Variants in PTPRT observed in about 807,000 individuals in gnomAD.
PTPRT encodes the protein protein tyrosine phosphatase receptor type T, also known as receptor-type tyrosine-protein phosphatase T.
PTPRT carries 56 observed loss-of-function variants against 176.8 expected under a neutral mutation model. That is an observed-to-expected ratio of 0.32 (90% CI 0.26 to 0.40). PTPRT has a LOEUF of 0.40. PTPRT is among the 10% of genes least tolerant of loss of function. The pLI, the probability that PTPRT is intolerant of heterozygous loss-of-function variation, is 1.00. For synonymous variants in PTPRT, 783 were observed against 739.0 expected, an observed-to-expected ratio of 1.06 and a Z score of -0.96; for missense variants, 1,540 against 1,908.2, an observed-to-expected ratio of 0.81 and a Z score of 3.60.
chr20:42,178,357 G>A (rs74369452), intron 16 of PTPRT, among the ~76,000 whole-genome samples: 2,326 of 152,288 alleles, frequency 0.015, 67 homozygotes, highest in African/African-American at 0.054. Flanking sequence ...CTGAATAGTT[G>A]CCCTTATGGG....
chr20:42,296,422 G>T (rs2057387599), intron 12 of PTPRT, among the ~76,000 whole-genome samples: 1 of 149,944 alleles, frequency 6.7e-6, no homozygotes, highest in Admixed American at 6.7e-5. Flanking sequence ...CTCCAGCCTG[G>T]GTAACACAGC....
At chr20:42,978,140 G>A (rs1056526157) in intron 1 of PTPRT, among the ~76,000 whole-genome samples, 13 of 152,070 alleles carry the variant, frequency 8.5e-5, no homozygotes, top group African/African-American at 2.2e-4. Context: ...TACATACTAC[G>A]TTTTGTCCTG....
chr20:42,203,928 A>G (rs1318525055), intron 15 of PTPRT, among the ~76,000 whole-genome samples: 1 of 152,194 alleles, frequency 6.6e-6, no homozygotes, highest in Non-Finnish European at 1.5e-5. Flanking sequence ...TACGACAAGA[A>G]CTTCTTGGGA....
intron 1 of PTPRT, among the ~76,000 whole-genome samples, chr20:43,071,952 C>T (rs531965117): frequency 6.6e-6 from 1 of 152,344 alleles, no homozygotes; most frequent in South Asian, 2.1e-4. Flanking sequence ...TTGGTTTGCA[C>T]CCAGCCTATC....
chr20:43,189,840 C>A lies in PTPRT; in HGVS notation c.-107G>T. On this transcript the variant is annotated 5_prime_UTR_variant, in exon 1 of 31. Transcript: ENST00000373187. This position sits in a 1 kb window ranked among gnomAD's most constrained non-coding sequence, Gnocchi z 5.0. ...CCGGCGCGGCCGCTGGCTGTGCGCG[C>A]GGCTGGCTCCGCTCGGGCTCCCGGA... is the stretch of plus-strand genomic sequence containing the variant. The A allele has an allele frequency of 2.2e-6, 1 of 455,374 alleles. No homozygotes were observed. Among genetic ancestry groups the A allele is most frequent in the Non-Finnish European group, 2.9e-6 (1 of 348,630 alleles). The allele number at this position is 455,374 out of a possible 1,614,324, so 28.2% of individuals were successfully genotyped here. A position where few individuals can be genotyped will look rare whatever the true frequency, so the allele number is the denominator to read the frequency against.
At chr20:42,338,370 A>G (rs1461739705) in intron 11 of PTPRT, among the ~76,000 whole-genome samples, 3 of 152,216 alleles carry the variant, frequency 2.0e-5, no homozygotes, top group Admixed American at 6.5e-5. Flanking sequence ...GGAGAGGCCA[A>G]TGAGAGAACT....
At chr20:42,872,854 C>G (rs1312375546) in intron 2 of PTPRT, among the ~76,000 whole-genome samples, 1 of 152,122 alleles carries the variant, frequency 6.6e-6, no homozygotes, top group Non-Finnish European at 1.5e-5. Context: ...AAAGGCAGCT[C>G]AAAGTCTGAG....
chr20:43,064,635 A>C (rs1200377760), intron 1 of PTPRT, among the ~76,000 whole-genome samples: 1 of 152,206 alleles, frequency 6.6e-6, no homozygotes, highest in Non-Finnish European at 1.5e-5. Flanking sequence ...GGGTGTCCTC[A>C]TCCCCTCCTC....
rs145109193 is a variant in PTPRT, at chr20:42,593,606, T to C, written c.1153+84260A>G. Among the ~76,000 whole-genome samples, 161 of 152,284 alleles carry C rather than the reference T, an allele frequency of 1.1e-3. 1 individual carries two copies. The highest frequency in any genetic ancestry group is 3.6e-3 in the African/African-American group (151 of 41,548). On this transcript the variant is annotated intron_variant, in intron 7 of 30. Coordinates refer to ENST00000373187, the MANE Select transcript of PTPRT (RefSeq NM_007050.6). ...CACATTTGCTGACAACCTTAAACTC[T>C]CATCGAAGAGTGGGAAGTTGTTGCT...
intron 2 of PTPRT, 64 bp downstream of exon 2, chr20:42,885,743 C>G (rs1002214371): frequency 3.9e-6 from 6 of 1,556,216 alleles, no homozygotes; most frequent in Non-Finnish European, 5.2e-6. Flanking sequence ...AAGTTCTTCC[C>G]CCCATGATTC....
chr20:42,604,544 T>C (rs967340421), intron 7 of PTPRT, among the ~76,000 whole-genome samples: 2 of 152,174 alleles, frequency 1.3e-5, no homozygotes, highest in South Asian at 4.1e-4. Flanking sequence ...GTGTTCCTTT[T>C]TACCTAGCAC....
intron 7 of PTPRT, among the ~76,000 whole-genome samples, chr20:42,658,724 A>G (rs2075169673): frequency 6.6e-6 from 1 of 152,222 alleles, no homozygotes; most frequent in Non-Finnish European, 1.5e-5. Flanking sequence ...GTATTTCTGT[A>G]TCTATATTAA....
intron 15 of PTPRT, among the ~76,000 whole-genome samples, chr20:42,230,198 T>C (rs1477962690): frequency 6.6e-6 from 1 of 152,170 alleles, no homozygotes; most frequent in Non-Finnish European, 1.5e-5. Context: ...CAGAAGGCTA[T>C]AGAAAAGCCC....
intron 4 of PTPRT, among the ~76,000 whole-genome samples, chr20:42,776,817 C>A (rs2077143767): frequency 6.8e-6 from 1 of 146,730 alleles, no homozygotes; most frequent in South Asian, 2.2e-4. Flanking sequence ...TATACTATAA[C>A]TCACATTTAT....
At chr20:43,112,786 CACTT>C (rs1291331811) in intron 1 of PTPRT, among the ~76,000 whole-genome samples, 1 of 152,224 alleles carries the variant, frequency 6.6e-6, no homozygotes, top group African/African-American at 2.4e-5. Context: ...AAAACAGAGA[CACTT>C]GCTGCTTTCT....
chr20:43,117,132 G>A (rs1490772625), intron 1 of PTPRT, among the ~76,000 whole-genome samples: 2 of 152,094 alleles, frequency 1.3e-5, no homozygotes, highest in African/African-American at 2.4e-5. Flanking sequence ...GCTTCTTACG[G>A]CCTGGGTACA....
intron 2 of PTPRT, among the ~76,000 whole-genome samples, chr20:42,861,359 CCTAA>C (rs1276786744): frequency 1.3e-5 from 2 of 152,194 alleles, no homozygotes; most frequent in East Asian, 1.9e-4. Flanking sequence ...CTAGACATTC[CCTAA>C]CTGATTGATA....
At chr20:42,228,848 G>A (rs934407043) in intron 15 of PTPRT, among the ~76,000 whole-genome samples, 4 of 152,176 alleles carry the variant, frequency 2.6e-5, no homozygotes, top group Non-Finnish European at 5.9e-5. Flanking sequence ...CCTACATGGA[G>A]ACTGACATGC....
chr20:42,644,508 A>T (rs1301035909), intron 7 of PTPRT, among the ~76,000 whole-genome samples: 1 of 152,074 alleles, frequency 6.6e-6, no homozygotes, highest in African/African-American at 2.4e-5. Flanking sequence ...TCACTAGGTT[A>T]GGCTCTTACC....
Sources: allele counts gnomAD v4.1 joint callset (sites outside exome capture counted in the v4.1 genomes callset), GRCh38; gene constraint gnomAD v4.1.1; non-coding constraint Gnocchi (gnomAD v3.1); transcripts MANE v1.5; gene names NCBI Gene and HGNC (gene_info 2026-07-23, HGNC 2026-07-21).